The following SLIT3 variants were observed in gnomAD, a reference collection of about 807,000 sequenced individuals.
The protein encoded by SLIT3 is slit homolog 3 protein.
Under a neutral mutation model 184.0 loss-of-function variants are expected in SLIT3, and 68 were observed. The observed-to-expected ratio is 0.37, with a 90% CI of 0.30 to 0.45. SLIT3 has a LOEUF of 0.45. SLIT3 is among the 20% of genes least tolerant of loss of function. The probability of loss-of-function intolerance (pLI) is 1.00; values close to 1 mark genes in which losing one functional copy is unlikely to be tolerated. For synonymous variants in SLIT3, 831 were observed against 828.6 expected (o/e 1.00, Z -0.05); for missense variants, 1,707 against 2,026.0 (o/e 0.84, Z 3.02).
At chr5:169,061,472 C>T (rs903581451) in intron 4 of SLIT3, among the ~76,000 whole-genome samples, 10 of 152,194 alleles carry the variant, frequency 6.6e-5, no homozygotes, top group Admixed American at 6.5e-4. Flanking sequence ...AATAGCTGCC[C>T]CTCGGCTCCC....
chr5:168,862,876 T>C (rs544495953), intron 5 of SLIT3, among the ~76,000 whole-genome samples: 31 of 152,298 alleles, frequency 2.0e-4, no homozygotes, highest in South Asian at 4.1e-4. Context: ...GATTTCACCA[T>C]GTTGGCTAGG....
chr5:169,013,941 T>A (rs999184113), intron 4 of SLIT3, among the ~76,000 whole-genome samples: 3 of 152,206 alleles, frequency 2.0e-5, no homozygotes, highest in Non-Finnish European at 2.9e-5. Flanking sequence ...AGACTGCCTG[T>A]CTTGTTCATG....
chr5:169,115,586 C>T (rs1175255068), intron 4 of SLIT3, among the ~76,000 whole-genome samples: 2 of 152,146 alleles, frequency 1.3e-5, no homozygotes, highest in African/African-American at 2.4e-5. Flanking sequence ...AATGTCCAGC[C>T]CCTCAGAAAG....
intron 20 of SLIT3, among the ~76,000 whole-genome samples, chr5:168,731,301 C>A (rs1220348320): frequency 6.6e-6 from 1 of 150,386 alleles, no homozygotes; most frequent in Non-Finnish European, 1.5e-5. Flanking sequence ...TACAAAATAT[C>A]CCCCCCTAAA....
At chr5:168,720,242 G>T (rs549960218) in intron 23 of SLIT3, 2 of 152,350 alleles carry the variant, frequency 1.3e-5, no homozygotes, top group African/African-American at 2.4e-5. Flanking sequence ...ATTTCAAGAA[G>T]CAAGTGCTAG....
Position 169,128,600 on chromosome 5 carries a change from T to G in SLIT3, c.413+64879A>C, listed in dbSNP as rs963240127. On this transcript the variant is annotated intron_variant, in intron 4 of 35. Coordinates refer to ENST00000519560, the MANE Select transcript of SLIT3 (RefSeq NM_003062.4). ...CCCAACACCACGCCTGGCTAATGTT[T>G]TTGTATTTTTAGTAGAGACGAGGTT... Among the ~76,000 whole-genome samples, 7 of 152,044 alleles carry G rather than the reference T, an allele frequency of 4.6e-5. No homozygotes were observed. The South Asian group carries it at 8.3e-4, about 18-fold the overall frequency.
At chr5:169,197,609 C>A (rs551243344) in intron 3 of SLIT3, among the ~76,000 whole-genome samples, 1 of 151,246 alleles carries the variant, frequency 6.6e-6, no homozygotes, top group Non-Finnish European at 1.5e-5. Flanking sequence ...AGATCTCCTG[C>A]CATAGTTCAA....
At chr5:168,841,526 G>A (rs80113159) in intron 6 of SLIT3, among the ~76,000 whole-genome samples, 5,624 of 152,210 alleles carry the variant, frequency 0.037, 364 homozygotes, top group African/African-American at 0.13. Context: ...ATCCCCCATC[G>A]GGAATGAGTC....
chr5:168,860,217 C>A (rs1223765703), intron 5 of SLIT3, among the ~76,000 whole-genome samples: 1 of 152,160 alleles, frequency 6.6e-6, no homozygotes, highest in African/African-American at 2.4e-5. Context: ...ACTTAAAATC[C>A]TAAGATAGCA....
At chr5:169,117,929 G>A (rs1026035596) in intron 4 of SLIT3, among the ~76,000 whole-genome samples, 36 of 152,146 alleles carry the variant, frequency 2.4e-4, no homozygotes, top group African/African-American at 8.4e-4. Context: ...AAGAAAAGAC[G>A]CTCTCATACA....
chr5:169,251,500 A>T (rs1765773503), intron 1 of SLIT3, 41 bp from the exon 2 acceptor site: 1 of 1,340,676 alleles, frequency 7.5e-7, no homozygotes, highest in Non-Finnish European at 1.1e-6. Context: ...TTTGTGGGTT[A>T]CAATTACGGT....
Position 169,253,597 on chromosome 5 carries a change from G to A in SLIT3, c.198-2138C>T, listed in dbSNP as rs187692938. Reference sequence around the variant, plus strand: ...CAATCTTGACCTCAGGAGCTTTGATGAGGGTTAAATGAGATGATGTACACA... The same window carrying A: ...CAATCTTGACCTCAGGAGCTTTGATAAGGGTTAAATGAGATGATGTACACA... On this transcript the variant is annotated intron_variant, in intron 1 of 35. Coordinates refer to ENST00000519560, the MANE Select transcript of SLIT3 (RefSeq NM_003062.4). 2.6e-4 allele frequency among the ~76,000 whole-genome samples: 39 copies of A among 152,252 alleles called. No homozygotes were observed. In the East Asian group the frequency reaches 6.6e-3, roughly 26 times the overall value.
In SLIT3 at chr5:168,940,506, C is replaced by CT. The variant is rs912861136; in HGVS notation, c.414-57171dup. Among the ~76,000 whole-genome samples the CT allele has an allele frequency of 2.5e-4, 38 of 151,516 alleles. 1 individual carries two copies. The highest frequency in any genetic ancestry group is 3.4e-3 in the Middle Eastern group (1 of 294). ...ACATAAAATTATAAAGTATCTTTATCTTTTTTTTTAAGTAAAAAACATTTA... is the reference window on the plus strand; with the variant it reads ...ACATAAAATTATAAAGTATCTTTATCTTTTTTTTTTAAGTAAAAAACATTTA... On this transcript the variant is annotated intron_variant, in intron 4 of 35. Coordinates refer to ENST00000519560, the MANE Select transcript of SLIT3 (RefSeq NM_003062.4).
At chr5:168,718,730 ATTCTCTCTCTCT>A (rs1762838870) in intron 23 of SLIT3, among the ~76,000 whole-genome samples, 1 of 108,900 alleles carries the variant, frequency 9.2e-6, no homozygotes, top group Admixed American at 8.3e-5. Flanking sequence ...ACACACACAC[ATTCTCTCTCTCT>A]CTCTCTTTCT....
chr5:169,096,375 A>C (rs1176571538), intron 4 of SLIT3, among the ~76,000 whole-genome samples: 3 of 152,146 alleles, frequency 2.0e-5, no homozygotes, highest in African/African-American at 7.2e-5. Flanking sequence ...ATTGTTTTCT[A>C]ATTGTTTAGA....
chr5:169,089,812 T>C (rs1759500511), intron 4 of SLIT3, among the ~76,000 whole-genome samples: 1 of 152,230 alleles, frequency 6.6e-6, no homozygotes, highest in Non-Finnish European at 1.5e-5. Flanking sequence ...AGTGATAAGT[T>C]GCTTAGTGTA....
chr5:168,965,874 G>C (rs62377227), intron 4 of SLIT3, among the ~76,000 whole-genome samples: 1 of 152,100 alleles, frequency 6.6e-6, no homozygotes, highest in Non-Finnish European at 1.5e-5. Context: ...CTCTCTCTCT[G>C]TACTTCATCC....
intron 6 of SLIT3, among the ~76,000 whole-genome samples, chr5:168,836,508 C>T (rs1758059920): frequency 1.3e-5 from 2 of 152,180 alleles, no homozygotes; most frequent in African/African-American, 4.8e-5. Flanking sequence ...CTGCCCTCCA[C>T]ATCTTGCCCT....
At position 168,841,202 on chromosome 5, in the gene SLIT3, G is replaced by C. The variant is rs1272748283; in HGVS notation, c.557+3382C>G. Among the ~76,000 whole-genome samples, 5 of 152,230 alleles carry C rather than the reference G, an allele frequency of 3.3e-5. No homozygotes were observed. The East Asian group carries it at 5.8e-4, about 18-fold the overall frequency. ...GCTTGGTAGAATGGTTAATCACACA[G>C]ACTCTGCTGCTAATTAGCTAAGCAG... On this transcript the variant is annotated intron_variant, in intron 6 of 35. Transcript: ENST00000519560.
Sources: allele counts gnomAD v4.1 joint callset (sites outside exome capture counted in the v4.1 genomes callset), GRCh38; gene constraint gnomAD v4.1.1; transcripts MANE v1.5; gene names NCBI Gene and HGNC (gene_info 2026-07-23, HGNC 2026-07-21).